The following RASSF5 variants were observed in gnomAD, a reference collection of about 807,000 sequenced individuals.
RASSF5 encodes ras association domain-containing protein 5.
A neutral mutation model predicts 40.5 loss-of-function variants in RASSF5; 25 were observed. That is an observed-to-expected ratio of 0.62 (90% CI 0.45 to 0.86). The LOEUF is 0.86. Ranked by LOEUF, RASSF5 falls within the 40% of genes least tolerant of loss-of-function variation. The probability of loss-of-function intolerance (pLI) is 0.00; values close to 1 mark genes in which losing one functional copy is unlikely to be tolerated. For missense variants in RASSF5, 521 were observed against 572.8 expected, an observed-to-expected ratio of 0.91 and a Z score of 0.92; for synonymous variants, 246 against 252.4, an observed-to-expected ratio of 0.97 and a Z score of 0.24.
At chr1:206,528,226 C>T (rs954985481) in intron 1 of RASSF5, among the ~76,000 whole-genome samples, 1 of 151,582 alleles carries the variant, frequency 6.6e-6, no homozygotes, top group African/African-American at 2.4e-5. Context: ...CTACTATGTA[C>T]CCACAATTTT....
intron 2 of RASSF5, among the ~76,000 whole-genome samples, chr1:206,572,318 CGA>C (rs1289243858): frequency 6.6e-6 from 1 of 152,150 alleles, no homozygotes; most frequent in Non-Finnish European, 1.5e-5. Context: ...GAGCTTCTTC[CGA>C]GATAGCCCAC....
chr1:206,578,163 C>T (rs1668724976), intron 2 of RASSF5, among the ~76,000 whole-genome samples: 1 of 151,544 alleles, frequency 6.6e-6, no homozygotes, highest in Non-Finnish European at 1.5e-5. Flanking sequence ...GAGGTCGAGG[C>T]TGCAGTGAGT....
At chr1:206,533,188 G>C (rs1553398171) in intron 1 of RASSF5, among the ~76,000 whole-genome samples, 1 of 152,226 alleles carries the variant, frequency 6.6e-6, no homozygotes, top group Non-Finnish European at 1.5e-5. Flanking sequence ...ACCATGGCCT[G>C]TGGGCCATGT....
intron 2 of RASSF5, among the ~76,000 whole-genome samples, chr1:206,545,231 G>C (rs1160205046): frequency 1.3e-5 from 2 of 152,114 alleles, no homozygotes; most frequent in Middle Eastern, 3.2e-3. Flanking sequence ...ATTATTGAAA[G>C]AAGTGTTGAA....
At chr1:206,525,037 A>G (rs924085588) in intron 1 of RASSF5, among the ~76,000 whole-genome samples, 10 of 151,876 alleles carry the variant, frequency 6.6e-5, no homozygotes, top group African/African-American at 1.2e-4. Flanking sequence ...TTCCTGCATC[A>G]TTTGTCTGAA....
intron 1 of RASSF5, among the ~76,000 whole-genome samples, chr1:206,530,702 G>A (rs1041112368): frequency 5.9e-5 from 9 of 152,316 alleles, no homozygotes; most frequent in South Asian, 2.1e-4. Flanking sequence ...CCAGGGGGCC[G>A]GCAGAGGCTT....
chr1:206,546,080 T>G (rs1553400133), intron 2 of RASSF5, among the ~76,000 whole-genome samples: 1 of 138,244 alleles, frequency 7.2e-6, no homozygotes, highest in Non-Finnish European at 1.5e-5. Flanking sequence ...TTTTCTTTCT[T>G]CTTTTTCTAT....
chr1:206,555,354 G>A (rs952096695), intron 2 of RASSF5, among the ~76,000 whole-genome samples: 1 of 147,934 alleles, frequency 6.8e-6, no homozygotes, highest in Admixed American at 6.9e-5. Context: ...TGGCCACAGA[G>A]AATCTGGGGC....
chr1:206,588,318 T>C lies in RASSF5; in HGVS notation c.*1340T>C, dbSNP rs1336359421. The C allele has an allele frequency of 2.6e-5, 4 of 152,512 alleles. No individual in the cohort carries two copies. The highest frequency in any genetic ancestry group is 9.7e-5 in the African/African-American group (4 of 41,436). The allele number at this position is 152,512 out of a possible 1,614,324, so 9.4% of individuals were successfully genotyped here. A position where few individuals can be genotyped will look rare whatever the true frequency, so the allele number is the denominator to read the frequency against. On this transcript the variant is annotated 3_prime_UTR_variant, in exon 6 of 6. Coordinates refer to ENST00000579436, the MANE Select transcript of RASSF5 (RefSeq NM_182663.4). Reference sequence around the variant, plus strand: ...GTGCCTGAGTTTTGACTCCAATCAGTGATACCAGACCACATTGACAGGGAG... The same window carrying C: ...GTGCCTGAGTTTTGACTCCAATCAGCGATACCAGACCACATTGACAGGGAG...
At chr1:206,519,475 A>C (rs1558496413) in intron 1 of RASSF5, among the ~76,000 whole-genome samples, 2 of 152,208 alleles carry the variant, frequency 1.3e-5, no homozygotes, top group Non-Finnish European at 2.9e-5. Context: ...GAAGGGGATT[A>C]TTCTGTTTCA....
intron 2 of RASSF5, among the ~76,000 whole-genome samples, chr1:206,568,173 G>A (rs1163859384): frequency 6.6e-5 from 10 of 152,214 alleles, no homozygotes; most frequent in Admixed American, 6.5e-4. Flanking sequence ...AAATGTCCCT[G>A]CCCCTGGGCC....
chr1:206,508,122 A>G, intron 1 of RASSF5, 63 bp downstream of exon 1: 1 of 1,242,336 alleles, frequency 8.0e-7, no homozygotes, highest in Non-Finnish European at 1.0e-6. Context: ...AAGGACTGGG[A>G]GGGCCCTGGG....
At chr1:206,557,190 AAGGCGCGGG>A in intron 2 of RASSF5, 1 of 1,031,286 alleles carries the variant, frequency 9.7e-7, no homozygotes, top group Non-Finnish European at 1.2e-6. Flanking sequence ...AGGGGCAGGA[AAGGCGCGGG>A]AGGCGGGGGA....
At chr1:206,564,308 G>A (rs76720927) in intron 2 of RASSF5, among the ~76,000 whole-genome samples, 4 of 152,046 alleles carry the variant, frequency 2.6e-5, no homozygotes, top group Non-Finnish European at 5.9e-5. Flanking sequence ...AGACATCCTT[G>A]TTCACACGCC....
chr1:206,528,188 A>G (rs1667144325), intron 1 of RASSF5, among the ~76,000 whole-genome samples: 1 of 152,162 alleles, frequency 6.6e-6, no homozygotes, highest in Non-Finnish European at 1.5e-5. Flanking sequence ...CCATGAAAAG[A>G]CAAGGAGCCT....
chr1:206,531,778 C>A lies in RASSF5; in HGVS notation c.458-6394C>A, dbSNP rs141704217. On this transcript the variant is annotated intron_variant, in intron 1 of 5. Coordinates refer to ENST00000579436, the MANE Select transcript of RASSF5 (RefSeq NM_182663.4). The surrounding 1 kb of genome is among the most constrained non-coding windows in gnomAD (Gnocchi z 4.7). Reference sequence around the variant, plus strand: ...AAACTTTGGTAAATTGAGCCAGGCACGGTAATCCCAGAACTTTGGGAGGCC... The same window carrying A: ...AAACTTTGGTAAATTGAGCCAGGCAAGGTAATCCCAGAACTTTGGGAGGCC... Among the ~76,000 whole-genome samples, 1 of 152,006 alleles carries A rather than the reference C, an allele frequency of 6.6e-6. No individual in the cohort carries two copies. The highest frequency in any genetic ancestry group is 1.9e-4 in the East Asian group (1 of 5,190).
intron 1 of RASSF5, chr1:206,529,250 G>A: frequency 4.9e-6 from 6 of 1,216,524 alleles, no homozygotes; most frequent in Non-Finnish European, 7.1e-6. Context: ...AGAGGCCGTT[G>A]GCCCAGGCTG....
At position 206,535,822 on chromosome 1, in the gene RASSF5, G is replaced by T. The variant is rs1447455050; in HGVS notation, c.458-2350G>T. Among the ~76,000 whole-genome samples, 5 of 151,934 alleles carry T rather than the reference G, an allele frequency of 3.3e-5. No individual in the cohort carries two copies. Among genetic ancestry groups the T allele is most frequent in the Non-Finnish European group, 7.4e-5 (5 of 67,964 alleles). ...AGACTGCCTGTGCCAACAGGACAAG[G>T]AGCTAAAAGAGGAGGAGAGAGAAAT... On this transcript the variant is annotated intron_variant, in intron 1 of 5. Coordinates refer to ENST00000579436, the MANE Select transcript of RASSF5 (RefSeq NM_182663.4). The surrounding 1 kb of genome is among the most constrained non-coding windows in gnomAD (Gnocchi z 5.0).
At chr1:206,557,729 G>A (rs782389622) in intron 2 of RASSF5, 3 of 1,607,014 alleles carry the variant, frequency 1.9e-6, no homozygotes, top group South Asian at 2.2e-5. Context: ...GCCTTTCGTG[G>A]GGGGAAATAA....
Sources: gnomAD v4.1 joint callset for allele counts (sites outside exome capture counted in the v4.1 genomes callset) on GRCh38, gnomAD v4.1.1 for gene constraint, Gnocchi (gnomAD v3.1) non-coding constraint, MANE v1.5 for transcripts, NCBI Gene and HGNC (gene_info 2026-07-23, HGNC 2026-07-21) for gene names.